SNX29: variants seen among roughly 807,000 people sequenced by gnomAD.
SNX29 encodes the protein sorting nexin-29.
Under a neutral mutation model 102.1 loss-of-function variants are expected in SNX29, and 78 were observed. That is an observed-to-expected ratio of 0.76 (90% confidence interval 0.64 to 0.92). The LOEUF (loss-of-function observed/expected upper bound fraction) is 0.92, where lower values mean the gene tolerates loss of function less well. Ranked by LOEUF, SNX29 falls within the 40% of genes least tolerant of loss-of-function variation. The probability of loss-of-function intolerance (pLI) is 0.00; values close to 1 mark genes in which losing one functional copy is unlikely to be tolerated. For synonymous variants in SNX29, 580 were observed against 414.5 expected, an observed-to-expected ratio of 1.40 and a Z score of -4.85; for missense variants, 1,280 against 1,061.7, an observed-to-expected ratio of 1.21 and a Z score of -2.86.
At position 12,113,246 on chromosome 16, in the gene SNX29, A is replaced by T. The variant is rs2053567611; in HGVS notation, c.1403-13387A>T. Among the ~76,000 whole-genome samples, 4 of 152,122 alleles carry T rather than the reference A, an allele frequency of 2.6e-5. No homozygotes were observed. The South Asian group carries it at 8.3e-4, about 32-fold the overall frequency. On this transcript the variant is annotated intron_variant, in intron 11 of 20. Coordinates refer to ENST00000566228, the MANE Select transcript of SNX29 (RefSeq NM_032167.5). ...CATTGAATCACCTCCATAATTTGGG[A>T]GGTTGTCAGGAGGTGCCGTCATGCC...
intron 11 of SNX29, among the ~76,000 whole-genome samples, chr16:12,091,065 GA>G (rs1240984089): frequency 4.1e-5 from 6 of 148,114 alleles, no homozygotes; most frequent in Admixed American, 1.3e-4. Context: ...AGAGCGCCTG[GA>G]AAATAGTAAT....
chr16:12,239,060 G>A (rs1351036714), intron 14 of SNX29, among the ~76,000 whole-genome samples: 1 of 152,178 alleles, frequency 6.6e-6, no homozygotes. Context: ...ACATCTCACT[G>A]GCCAGAACTT....
intron 18 of SNX29, among the ~76,000 whole-genome samples, chr16:12,414,093 A>G (rs2084522968): frequency 6.6e-6 from 1 of 152,234 alleles, no homozygotes; most frequent in Admixed American, 6.5e-5. Flanking sequence ...TTAGGGAATA[A>G]TGACAAGATA....
intron 20 of SNX29, among the ~76,000 whole-genome samples, chr16:12,547,472 T>A (rs1370920183): frequency 6.6e-6 from 1 of 152,086 alleles, no homozygotes; most frequent in Non-Finnish European, 1.5e-5. Flanking sequence ...GAAGGGGTAT[T>A]CTCAAAGTAG....
chr16:12,313,023 T>G (rs1195690245), intron 15 of SNX29, among the ~76,000 whole-genome samples: 1 of 148,702 alleles, frequency 6.7e-6, no homozygotes, highest in Non-Finnish European at 1.5e-5. Flanking sequence ...TGTTTTCTGT[T>G]TTTTTTTTTT....
chr16:12,027,245 C>G, intron 3 of SNX29, 75 bp from the exon 4 acceptor site: 1 of 1,587,338 alleles, frequency 6.3e-7, no homozygotes. Context: ...TTACTCACTT[C>G]CTGGAGATGC....
intron 14 of SNX29, among the ~76,000 whole-genome samples, chr16:12,215,687 A>G (rs1167370044): frequency 6.6e-6 from 1 of 152,206 alleles, no homozygotes; most frequent in South Asian, 2.1e-4. Flanking sequence ...CATTTGAGGT[A>G]CGTGCTGTAC....
At chr16:12,412,892 G>T (rs901764042) in intron 18 of SNX29, among the ~76,000 whole-genome samples, 1 of 152,168 alleles carries the variant, frequency 6.6e-6, no homozygotes, top group Admixed American at 6.5e-5. Flanking sequence ...GGAGGAATTG[G>T]TGACACTTTC....
intron 5 of SNX29, among the ~76,000 whole-genome samples, chr16:12,045,065 A>G (rs1376294756): frequency 2.0e-5 from 3 of 152,212 alleles, no homozygotes; most frequent in South Asian, 2.1e-4. Context: ...ATGTTGGGAA[A>G]ACACATTCAT....
intron 3 of SNX29, among the ~76,000 whole-genome samples, chr16:12,015,323 C>G (rs540843990): frequency 6.6e-6 from 1 of 152,160 alleles, no homozygotes; most frequent in South Asian, 2.1e-4. Flanking sequence ...TCTCAGCTCA[C>G]TGAAACTCTC....
At chr16:12,380,159 C>A (rs1359070517) in intron 16 of SNX29, among the ~76,000 whole-genome samples, 1 of 151,436 alleles carries the variant, frequency 6.6e-6, no homozygotes, top group African/African-American at 2.4e-5. Context: ...CCTTAGCTGA[C>A]CTAAGGGCTG....
Position 12,477,870 on chromosome 16 carries a change from G to T in SNX29, c.2178+11G>T. ...GCCATTGGAAACAAGGTACCATCCC[G>T]TGCTGGGAAGCCCACTTGTCACTGC... is the stretch of plus-strand genomic sequence containing the variant. On this transcript the variant is annotated intron_variant, in intron 19 of 20. Transcript: ENST00000566228. 1.9e-6 allele frequency: 3 copies of T among 1,572,460 alleles called. No individual in the cohort carries two copies. The highest frequency in any genetic ancestry group is 1.2e-5 in the South Asian group (1 of 84,362).
intron 20 of SNX29, among the ~76,000 whole-genome samples, chr16:12,567,545 G>T (rs75981896): frequency 3.9e-5 from 6 of 152,060 alleles, no homozygotes; most frequent in Admixed American, 2.6e-4. Context: ...AGCACTTTAG[G>T]AGGCTGAGCA....
chr16:12,568,776 C>A lies in SNX29; in HGVS notation c.*147C>A. Reference sequence around the variant, plus strand: ...CGATTCCCAACAGTTACACAACACCCCGATTAAACTAATCAGTCTTCGAGC... The same window carrying A: ...CGATTCCCAACAGTTACACAACACCACGATTAAACTAATCAGTCTTCGAGC... On this transcript the variant is annotated 3_prime_UTR_variant, in exon 21 of 21. Transcript: ENST00000566228. The A allele has an allele frequency of 8.1e-7, 1 of 1,237,950 alleles. No individual in the cohort carries two copies. Among genetic ancestry groups the A allele is most frequent in the Non-Finnish European group, 1.1e-6 (1 of 912,870 alleles). The allele number at this position is 1,237,950 out of a possible 1,614,324, so 76.7% of individuals were successfully genotyped here. A position where few individuals can be genotyped will look rare whatever the true frequency, so the allele number is the denominator to read the frequency against.
intron 9 of SNX29, among the ~76,000 whole-genome samples, chr16:12,065,037 T>C (rs961544511): frequency 1.3e-5 from 2 of 152,192 alleles, no homozygotes; most frequent in African/African-American, 4.8e-5. Context: ...TGGGAGAGGA[T>C]GCTTTCTGCA....
chr16:12,119,715 G>A (rs1049783460), intron 11 of SNX29, among the ~76,000 whole-genome samples: 1 of 152,066 alleles, frequency 6.6e-6, no homozygotes, highest in Non-Finnish European at 1.5e-5. Context: ...GGCACTGCCC[G>A]CTTGGGGGGA....
At chr16:12,397,806 C>G (rs2083773963) in intron 16 of SNX29, among the ~76,000 whole-genome samples, 1 of 152,152 alleles carries the variant, frequency 6.6e-6, no homozygotes. Context: ...TACTGGGGGT[C>G]ACGTGCACCT....
At chr16:12,326,434 A>C (rs2081122179) in intron 15 of SNX29, among the ~76,000 whole-genome samples, 1 of 151,468 alleles carries the variant, frequency 6.6e-6, no homozygotes. Context: ...GTACTGGGCA[A>C]GTTGGCAAAC....
chr16:12,035,948 C>A (rs2057460094), intron 4 of SNX29, among the ~76,000 whole-genome samples: 1 of 152,184 alleles, frequency 6.6e-6, no homozygotes, highest in African/African-American at 2.4e-5. Context: ...TTAGGACAGT[C>A]CTCTGGGACA....
Sources: allele counts gnomAD v4.1 joint callset (sites outside exome capture counted in the v4.1 genomes callset), GRCh38; gene constraint gnomAD v4.1.1; transcripts MANE v1.5; gene names NCBI Gene and HGNC (gene_info 2026-07-23, HGNC 2026-07-21).